The following SPTLC2 variants were observed in gnomAD, a reference collection of about 807,000 sequenced individuals.
The protein encoded by SPTLC2 is serine palmitoyltransferase 2.
SPTLC2 carries 21 observed loss-of-function variants against 62.0 expected under a neutral mutation model. The ratio of observed to expected loss-of-function variants is 0.34; its 90% CI spans 0.24 to 0.49. SPTLC2 has a LOEUF of 0.49. Ranked by LOEUF, SPTLC2 falls within the 20% of genes least tolerant of loss-of-function variation. The probability of loss-of-function intolerance (pLI) is 0.99; values close to 1 mark genes in which losing one functional copy is unlikely to be tolerated. For missense variants in SPTLC2, 511 were observed against 713.0 expected (o/e 0.72, Z 3.23); for synonymous variants, 261 against 261.8 (o/e 1.00, Z 0.03).
intron 6 of SPTLC2, 71 bp from the exon 7 acceptor site, chr14:77,557,217 A>AAAC (rs2140022199): frequency 2.3e-6 from 3 of 1,333,144 alleles, no homozygotes; most frequent in Non-Finnish European, 3.2e-6. Flanking sequence ...AAATGCAGAG[A>AAAC]TATATTTCTC....
intron 1 of SPTLC2, among the ~76,000 whole-genome samples, chr14:77,606,775 C>G (rs1458693897): frequency 6.6e-6 from 1 of 152,066 alleles, no homozygotes; most frequent in East Asian, 1.9e-4. Context: ...TTGCTTGGAC[C>G]CAGGAGTTTA....
intron 5 of SPTLC2, among the ~76,000 whole-genome samples, chr14:77,565,519 G>T (rs561439146): frequency 6.6e-6 from 1 of 152,254 alleles, no homozygotes; most frequent in South Asian, 2.1e-4. Context: ...ACTGAGAATG[G>T]TATCACTTCT....
rs1239515520 is a variant in SPTLC2 at position 77,510,281 on chromosome 14, A to G, written c.*2003T>C. The G allele has an allele frequency of 1.9e-5, 4 of 212,312 alleles. No homozygotes were observed. Among genetic ancestry groups the G allele is most frequent in the Non-Finnish European group, 3.7e-5 (4 of 108,490 alleles). 13.2% of individuals were successfully genotyped at this position (212,312 alleles called of 1,614,324 possible). A position where few individuals can be genotyped will look rare whatever the true frequency, so the allele number is the denominator to read the frequency against. ...CTCAAGGGCTTATTAAAGTTCTCAGATGCTGACAGTGACTAAACATAACTC... is the reference window on the plus strand; with the variant it reads ...CTCAAGGGCTTATTAAAGTTCTCAGGTGCTGACAGTGACTAAACATAACTC... On this transcript the variant is annotated 3_prime_UTR_variant, in exon 12 of 12. Coordinates refer to ENST00000216484, the MANE Select transcript of SPTLC2 (RefSeq NM_004863.4).
chr14:77,554,507 G>A lies in SPTLC2; in HGVS notation c.1176+793C>T, dbSNP rs190770687. On this transcript the variant is annotated intron_variant, in intron 8 of 11. Coordinates refer to ENST00000216484, the MANE Select transcript of SPTLC2 (RefSeq NM_004863.4). Reference sequence around the variant, plus strand: ...TCACATATTTTAAAACATGCAATATGTGACTTTTTGTGACTTTTTTCACTT... The same window carrying A: ...TCACATATTTTAAAACATGCAATATATGACTTTTTGTGACTTTTTTCACTT... 1.3e-3 allele frequency among the ~76,000 whole-genome samples: 203 copies of A among 152,294 alleles called. 1 individual carries two copies. The highest frequency in any genetic ancestry group is 4.5e-3 in the African/African-American group (188 of 41,560).
chr14:77,616,571 C>T lies in SPTLC2; in HGVS notation c.9G>A (p.Pro3=). The T allele has an allele frequency of 2.0e-6, 3 of 1,538,036 alleles. No homozygotes were observed. The highest frequency in any genetic ancestry group is 2.7e-5 in the African/African-American group (2 of 73,174). ...GGCGGCAGCAGCAGCCTCCGGGCTC[C>T]GGCCGCATCTTCCTGGCAGCACCAG... MR[P]EPGGCCCRRT... Residue 3 remains proline, a synonymous_variant, in exon 1 of 12, where the codon CCG becomes CCA. Transcript: ENST00000216484.
intron 8 of SPTLC2, among the ~76,000 whole-genome samples, chr14:77,553,931 C>T (rs2079569251): frequency 6.6e-6 from 1 of 152,030 alleles, no homozygotes; most frequent in Admixed American, 6.6e-5. Context: ...CCTCTCATCT[C>T]AGCCTCCCCC....
At chr14:77,548,959 A>C (rs714377) in intron 9 of SPTLC2, among the ~76,000 whole-genome samples, 35,447 of 152,184 alleles carry the variant, frequency 0.23, 4,860 homozygotes, top group Middle Eastern at 0.38. Context: ...AATACCAGGT[A>C]CTTAATGTAC....
In SPTLC2 at chr14:77,597,163, A is replaced by C. The variant is rs1475876943; in HGVS notation, c.327+23T>G. The C allele has an allele frequency of 1.9e-6, 3 of 1,611,512 alleles. No individual in the cohort carries two copies. The East Asian group carries it at 6.7e-5, about 36-fold the overall frequency. On this transcript the variant is annotated intron_variant, in intron 2 of 11. Coordinates refer to ENST00000216484, the MANE Select transcript of SPTLC2 (RefSeq NM_004863.4). ...TCCATAAAAGGCTTCTATTTACAGA[A>C]TCAAAAACTCTCTAACAGTTACCTT...
chr14:77,608,026 G>T (rs1040643834), intron 1 of SPTLC2, among the ~76,000 whole-genome samples: 21 of 152,164 alleles, frequency 1.4e-4, no homozygotes, highest in African/African-American at 5.1e-4. Flanking sequence ...AGCACCAACC[G>T]GCGTCTCACA....
chr14:77,611,940 C>T (rs1469699719), intron 1 of SPTLC2, among the ~76,000 whole-genome samples: 1 of 152,038 alleles, frequency 6.6e-6, no homozygotes, highest in African/African-American at 2.4e-5. Flanking sequence ...GGAAGAATAG[C>T]TGCCTCAAGC....
chr14:77,590,020 G>C (rs1268459797), intron 2 of SPTLC2, among the ~76,000 whole-genome samples: 3 of 150,668 alleles, frequency 2.0e-5, no homozygotes, highest in Non-Finnish European at 2.9e-5. Flanking sequence ...CTGTCACCCA[G>C]GCTAGAGTGC....
chr14:77,557,566 G>A (rs901973348), intron 6 of SPTLC2, among the ~76,000 whole-genome samples: 44 of 152,270 alleles, frequency 2.9e-4, no homozygotes, highest in African/African-American at 9.6e-4. Flanking sequence ...AACCATCACA[G>A]ACACATACTC....
In SPTLC2 at chr14:77,597,256, T is replaced by C; in HGVS notation, c.257A>G (p.Tyr86Cys). 1.2e-6 allele frequency: 2 copies of C among 1,614,196 alleles called. No homozygotes were observed. Among genetic ancestry groups the C allele is most frequent in the Non-Finnish European group, 1.7e-6 (2 of 1,180,030 alleles). ...CCAATACCTCAAGAAATCTCGAAGA[T>C]ATCCAAAGAGGGTGAGTACGCCATA... ...VGYGVLTLFG[Y>C]LRDFLRYWRI... is the part of the protein sequence containing the mutation. The change falls in exon 2 of 12, where the codon TAT (tyrosine) becomes TGT (cysteine). Residue 86 changes from tyrosine (Y) to cysteine (C), a missense_variant. Coordinates refer to ENST00000216484, the MANE Select transcript of SPTLC2 (RefSeq NM_004863.4).
intron 7 of SPTLC2, among the ~76,000 whole-genome samples, 191 bp downstream of exon 7, chr14:77,556,850 G>A (rs985044590): frequency 6.6e-6 from 1 of 152,180 alleles, no homozygotes; most frequent in African/African-American, 2.4e-5. Flanking sequence ...TAGTATTATG[G>A]AAAGAATAAC....
chr14:77,555,620 CTTTTT>C (rs967283106), intron 7 of SPTLC2, 101 bp from the exon 8 acceptor site: 1 of 978,436 alleles, frequency 1.0e-6, no homozygotes, highest in Non-Finnish European at 1.5e-6. Context: ...TTTACTGCTT[CTTTTT>C]TTTTTCTTGG....
chr14:77,614,123 G>A (rs2079952219), intron 1 of SPTLC2, among the ~76,000 whole-genome samples: 1 of 152,168 alleles, frequency 6.6e-6, no homozygotes, highest in Non-Finnish European at 1.5e-5. Flanking sequence ...GTCCCCAAAA[G>A]TCAACCAAAT....
chr14:77,543,467 T>A (rs1221134957), intron 9 of SPTLC2, among the ~76,000 whole-genome samples: 1 of 152,206 alleles, frequency 6.6e-6, no homozygotes, highest in Non-Finnish European at 1.5e-5. Flanking sequence ...TGGTAAAGGC[T>A]TGGCTTGGAT....
intron 9 of SPTLC2, among the ~76,000 whole-genome samples, chr14:77,522,453 G>A (rs572584810): frequency 7.2e-5 from 11 of 152,248 alleles, no homozygotes; most frequent in African/African-American, 2.2e-4. Flanking sequence ...ATGAGCCACC[G>A]CGCCTAGCCT....
chr14:77,585,064 C>G (rs574083873), intron 2 of SPTLC2, among the ~76,000 whole-genome samples: 1 of 152,182 alleles, frequency 6.6e-6, no homozygotes, highest in African/African-American at 2.4e-5. Flanking sequence ...AGAGTACTCA[C>G]GGCAGGAGCA....
Sources: allele counts gnomAD v4.1 joint callset (sites outside exome capture counted in the v4.1 genomes callset), GRCh38; gene constraint gnomAD v4.1.1; transcripts MANE v1.5; gene names NCBI Gene and HGNC (gene_info 2026-07-23, HGNC 2026-07-21).